EPDR1: variants seen among roughly 807,000 people sequenced by gnomAD.
The protein encoded by EPDR1 is mammalian ependymin-related protein 1.
A neutral mutation model predicts 23.7 loss-of-function variants in EPDR1; 27 were observed. The ratio of observed to expected loss-of-function variants is 1.14; its 90% CI spans 0.84 to 1.57. The LOEUF is 1.57. Ranked by LOEUF, EPDR1 falls within the 40% of genes most tolerant of loss-of-function variation. The pLI, the probability that EPDR1 is intolerant of heterozygous loss-of-function variation, is 0.00. For missense variants in EPDR1, 349 were observed against 290.4 expected, an observed-to-expected ratio of 1.20 and a Z score of -1.47; for synonymous variants, 137 against 118.2, an observed-to-expected ratio of 1.16 and a Z score of -1.03.
At position 37,920,792 on chromosome 7, in the gene EPDR1, G is replaced by T. The variant is rs754226528; in HGVS notation, c.-148G>T. On this transcript the variant is annotated 5_prime_UTR_variant, in exon 1 of 3. Coordinates refer to ENST00000199448, the MANE Select transcript of EPDR1 (RefSeq NM_017549.5). The stretch of plus-strand genomic sequence containing the variant: ...GCGCGTCCGGATCTCAAAAGCGGCA[G>T]AGGCCACCGAAGGGACAGGAAGCAC... The T allele has an allele frequency of 8.1e-6, 13 of 1,610,064 alleles. No individual in the cohort carries two copies. In the South Asian group the frequency reaches 1.4e-4, roughly 18 times the overall value.
chr7:37,920,801 G>A lies in EPDR1; in HGVS notation c.-139G>A, dbSNP rs1216822955. The A allele has an allele frequency of 1.2e-6, 2 of 1,610,170 alleles. No individual in the cohort carries two copies. Among genetic ancestry groups the A allele is most frequent in the South Asian group, 2.2e-5 (2 of 90,192 alleles). On this transcript the variant is annotated 5_prime_UTR_variant, in exon 1 of 3. Transcript: ENST00000199448. ...GATCTCAAAAGCGGCAGAGGCCACC[G>A]AAGGGACAGGAAGCACTTTGGTCCA...
chr7:37,943,530 CATTAAAATGTTTTCTAAA>C (rs1786212291), intron 1 of EPDR1, among the ~76,000 whole-genome samples: 1 of 152,210 alleles, frequency 6.6e-6, no homozygotes, highest in South Asian at 2.1e-4. Context: ...ACTACAGTAT[CATTAAAATGTTTTCTAAA>C]ATTTGTCATA....
At chr7:37,941,173 A>T (rs1355487683) in intron 1 of EPDR1, among the ~76,000 whole-genome samples, 1 of 152,230 alleles carries the variant, frequency 6.6e-6, no homozygotes, top group Non-Finnish European at 1.5e-5. Flanking sequence ...CCAGAGTGGT[A>T]CTCAATAGAC....
chr7:37,925,697 T>A (rs1393686040), intron 1 of EPDR1, among the ~76,000 whole-genome samples: 2 of 152,194 alleles, frequency 1.3e-5, no homozygotes, highest in African/African-American at 4.8e-5. Context: ...AGAACCTCTG[T>A]GTTTTTCATC....
intron 1 of EPDR1, among the ~76,000 whole-genome samples, chr7:37,935,772 G>A (rs1157462924): frequency 6.6e-6 from 1 of 150,606 alleles, no homozygotes; most frequent in Non-Finnish European, 1.5e-5. Flanking sequence ...CAGTGTTTTT[G>A]TTGGGTAGGG....
In EPDR1 at chr7:37,920,696, C is replaced by A. The variant is rs772253163; in HGVS notation, c.-244C>A. ...AGCAGGCAGTGGCAGCAGGCAGTGGCCCAGGCAGAAATAGCTCCCGCGCGA... is the reference window on the plus strand; with the variant it reads ...AGCAGGCAGTGGCAGCAGGCAGTGGACCAGGCAGAAATAGCTCCCGCGCGA... On this transcript the variant is annotated 5_prime_UTR_variant, in exon 1 of 3. Transcript: ENST00000199448. 6.3e-7 allele frequency: 1 copy of A among 1,592,994 alleles called. No individual in the cohort carries two copies. Among genetic ancestry groups the A allele is most frequent in the Non-Finnish European group, 8.6e-7 (1 of 1,166,916 alleles).
At position 37,951,406 on chromosome 7, in the gene EPDR1, T is replaced by C. The variant is rs1034260089; in HGVS notation, c.*1010T>C. 1.3e-5 allele frequency: 2 copies of C among 152,268 alleles called. No individual in the cohort carries two copies. The highest frequency in any genetic ancestry group is 4.8e-5 in the African/African-American group (2 of 41,470). The allele number at this position is 152,268 out of a possible 1,614,324, so 9.4% of individuals were successfully genotyped here. ...CTCCCAAGCCTGGATGAGTTGCACC[T>C]TGCATCTTGAGCATGCATTTCTCAC... On this transcript the variant is annotated 3_prime_UTR_variant, in exon 3 of 3. Transcript: ENST00000199448.
At position 37,950,488 on chromosome 7, in the gene EPDR1, A is replaced by G; in HGVS notation, c.*92A>G. On this transcript the variant is annotated 3_prime_UTR_variant, in exon 3 of 3. Coordinates refer to ENST00000199448, the MANE Select transcript of EPDR1 (RefSeq NM_017549.5). ...GAGACTAGTCAAGATGTGAATGCTA[A>G]TTGGAGAGAAATATAATTTTAGGAA... 1 of 1,139,730 alleles carries G rather than the reference A, an allele frequency of 8.8e-7. No homozygotes were observed. The highest frequency in any genetic ancestry group is 2.6e-5 in the East Asian group (1 of 38,506). The allele number at this position is 1,139,730 out of a possible 1,614,324, so 70.6% of individuals were successfully genotyped here.
chr7:37,924,399 C>T (rs562332628), intron 1 of EPDR1, among the ~76,000 whole-genome samples: 1 of 152,188 alleles, frequency 6.6e-6, no homozygotes, highest in Non-Finnish European at 1.5e-5. Flanking sequence ...TTCTGTGCTA[C>T]CCCAACTGTG....
rs1454597252 is a variant in EPDR1 at position 37,921,155 on chromosome 7, C to G, written c.216C>G (p.Leu72=). The G allele has an allele frequency of 6.3e-7, 1 of 1,595,724 alleles. No individual in the cohort carries two copies. The highest frequency in any genetic ancestry group is 8.5e-7 in the Non-Finnish European group (1 of 1,178,736). ...NSRALLSYDG[L]NQRVRVLDER... ...GCGCCCTGCTCTCCTACGACGGGCT[C>G]AACCAGCGCGTGCGGGTGCTGGACG... The change falls in exon 1 of 3, where the codon CTC becomes CTG. Residue 72 remains leucine (L), a synonymous_variant. Transcript: ENST00000199448.
At chr7:37,946,294 G>A (rs1297737439) in intron 1 of EPDR1, among the ~76,000 whole-genome samples, 1 of 152,186 alleles carries the variant, frequency 6.6e-6, no homozygotes, top group Non-Finnish European at 1.5e-5. Flanking sequence ...CTAGGTCTTT[G>A]AGGAATTGCC....
chr7:37,923,264 G>A (rs985471031), intron 1 of EPDR1, among the ~76,000 whole-genome samples: 4 of 152,234 alleles, frequency 2.6e-5, no homozygotes, highest in African/African-American at 9.7e-5. Flanking sequence ...TGGTCCAGGT[G>A]AGAGATGGGT....
At chr7:37,934,481 T>A (rs1382176519) in intron 1 of EPDR1, among the ~76,000 whole-genome samples, 1 of 151,706 alleles carries the variant, frequency 6.6e-6, no homozygotes, top group South Asian at 2.1e-4. Flanking sequence ...AAAGGAGGAA[T>A]CTCCAGAGGA....
rs1033901204 is a variant in EPDR1 at position 37,951,146 on chromosome 7, T to C, written c.*750T>C. ...TTCTATGCAAGAGTATTGATGTATG[T>C]GCTGAATCTTCACAGACTTGTCAAT... On this transcript the variant is annotated 3_prime_UTR_variant, in exon 3 of 3. Coordinates refer to ENST00000199448, the MANE Select transcript of EPDR1 (RefSeq NM_017549.5). The C allele has an allele frequency of 1.3e-5, 2 of 152,222 alleles. No homozygotes were observed. The highest frequency in any genetic ancestry group is 2.9e-5 in the Non-Finnish European group (2 of 68,038). 9.4% of individuals were successfully genotyped at this position (152,222 alleles called of 1,614,324 possible).
At chr7:37,941,352 A>C (rs1364038233) in intron 1 of EPDR1, among the ~76,000 whole-genome samples, 1 of 152,240 alleles carries the variant, frequency 6.6e-6, no homozygotes, top group Non-Finnish European at 1.5e-5. Context: ...TGCCAATTGC[A>C]AAAGGAAACA....
At chr7:37,933,776 T>A (rs552339631) in intron 1 of EPDR1, among the ~76,000 whole-genome samples, 1 of 152,324 alleles carries the variant, frequency 6.6e-6, no homozygotes, top group African/African-American at 2.4e-5. Context: ...ATTGAGTAGA[T>A]GTTATCCATA....
At chr7:37,943,003 C>T (rs1583670036) in intron 1 of EPDR1, among the ~76,000 whole-genome samples, 1 of 152,188 alleles carries the variant, frequency 6.6e-6, no homozygotes, top group Admixed American at 6.5e-5. Flanking sequence ...TTGTGGTTGC[C>T]GTGGAGAGCT....
At chr7:37,937,446 G>A (rs1484273751) in intron 1 of EPDR1, among the ~76,000 whole-genome samples, 4 of 152,036 alleles carry the variant, frequency 2.6e-5, no homozygotes, top group African/African-American at 9.7e-5. Context: ...AATGGCAGGG[G>A]AAATTTATAT....
intron 1 of EPDR1, among the ~76,000 whole-genome samples, chr7:37,933,541 C>A (rs1785986128): frequency 6.6e-6 from 1 of 152,216 alleles, no homozygotes; most frequent in African/African-American, 2.4e-5. Flanking sequence ...CATGTTCAAC[C>A]AGCTGAATTT....
Sources: gnomAD v4.1 joint callset for allele counts (sites outside exome capture counted in the v4.1 genomes callset) on GRCh38, gnomAD v4.1.1 for gene constraint, MANE v1.5 for transcripts, NCBI Gene and HGNC (gene_info 2026-07-23, HGNC 2026-07-21) for gene names.